The following LYPLAL1 variants were observed in gnomAD, a reference collection of about 807,000 sequenced individuals.
LYPLAL1 encodes the protein lysophospholipase-like protein 1.
In LYPLAL1, 23 loss-of-function variants were observed where a neutral mutation model predicts 19.7. The observed-to-expected ratio is 1.17, with a 90% confidence interval of 0.84 to 1.65. The LOEUF is 1.65. LYPLAL1 is among the 40% of genes most tolerant of loss of function. The pLI, the probability that LYPLAL1 is intolerant of heterozygous loss-of-function variation, is 0.00. For synonymous variants in LYPLAL1, 119 were observed against 96.3 expected (o/e 1.24, Z -1.38); for missense variants, 355 against 279.4 (o/e 1.27, Z -1.93).
At chr1:219,426,788 G>C in the LYPLAL1 span, among the ~76,000 whole-genome samples, 1 of 152,086 alleles carries the variant, frequency 6.6e-6, no homozygotes, top group African/African-American at 2.4e-5. Flanking sequence ...TAGTAGAGAC[G>C]GGTTTTTGCC....
At chr1:219,253,630 T>C in the LYPLAL1 span, among the ~76,000 whole-genome samples, 1 of 152,026 alleles carries the variant, frequency 6.6e-6, no homozygotes, top group African/African-American at 2.4e-5. Context: ...TACTGAGCTG[T>C]GGTCCAAGAC....
the LYPLAL1 span, among the ~76,000 whole-genome samples, chr1:219,385,949 C>G: frequency 2.6e-5 from 4 of 152,144 alleles, no homozygotes; most frequent in African/African-American, 4.8e-5. Context: ...CACAGATAGC[C>G]TTTGAAACAC....
downstream of LYPLAL1, among the ~76,000 whole-genome samples, chr1:219,217,527 T>G (rs1461579489): frequency 6.6e-6 from 1 of 152,084 alleles, no homozygotes; most frequent in Non-Finnish European, 1.5e-5. Context: ...TATTCAGTCT[T>G]AGTTATGAAC....
the LYPLAL1 span, among the ~76,000 whole-genome samples, chr1:219,237,132 C>A: frequency 6.6e-6 from 1 of 152,132 alleles, no homozygotes; most frequent in Non-Finnish European, 1.5e-5. Flanking sequence ...GTCAGCTCAG[C>A]ACAAATGAAT....
chr1:219,362,966 CAAAG>C, the LYPLAL1 span, among the ~76,000 whole-genome samples: 3 of 151,692 alleles, frequency 2.0e-5, no homozygotes, highest in East Asian at 3.9e-4. Context: ...AAAAAAATAA[CAAAG>C]AAACTTTTTA....
chr1:219,374,579 T>A, the LYPLAL1 span, among the ~76,000 whole-genome samples: 2 of 151,942 alleles, frequency 1.3e-5, no homozygotes, highest in Admixed American at 1.3e-4. Context: ...CACTAGATAC[T>A]GACTATTTAC....
At chr1:219,385,040 T>TGGTGTTCTGC in the LYPLAL1 span, among the ~76,000 whole-genome samples, 31 of 152,300 alleles carry the variant, frequency 2.0e-4, no homozygotes, top group South Asian at 6.2e-3. Context: ...TTTCTCCCAG[T>TGGTGTTCTGC]AATGTTCTGC....
At chr1:219,215,417 C>T (rs866342564), downstream of LYPLAL1, among the ~76,000 whole-genome samples, 2 of 151,996 alleles carry the variant, frequency 1.3e-5, no homozygotes, top group Non-Finnish European at 2.9e-5. Flanking sequence ...TTTTGACCAA[C>T]TTGATTATTG....
chr1:219,301,690 A>G, the LYPLAL1 span, among the ~76,000 whole-genome samples: 1 of 152,172 alleles, frequency 6.6e-6, no homozygotes. Context: ...AAAATATAAC[A>G]TAACCCTATT....
At chr1:219,372,225 G>A in the LYPLAL1 span, among the ~76,000 whole-genome samples, 1 of 152,130 alleles carries the variant, frequency 6.6e-6, no homozygotes. Context: ...AAGGTGATAA[G>A]AGCACAAAGA....
At chr1:219,396,255 C>T in the LYPLAL1 span, among the ~76,000 whole-genome samples, 67 of 152,108 alleles carry the variant, frequency 4.4e-4, no homozygotes, top group African/African-American at 1.6e-3. Flanking sequence ...GATGTGTGGC[C>T]TTATTTCTGG....
chr1:219,402,089 C>T, the LYPLAL1 span, among the ~76,000 whole-genome samples: 1 of 151,918 alleles, frequency 6.6e-6, no homozygotes, highest in East Asian at 1.9e-4. Flanking sequence ...TAAAAGCTGG[C>T]AATAAAAAGC....
the LYPLAL1 span, among the ~76,000 whole-genome samples, chr1:219,226,826 A>G: frequency 3.9e-5 from 6 of 152,358 alleles, no homozygotes; most frequent in East Asian, 9.6e-4. Context: ...AAAGATGAAT[A>G]TAATGAGGAA....
chr1:219,373,362 T>G, the LYPLAL1 span, among the ~76,000 whole-genome samples: 83 of 152,276 alleles, frequency 5.5e-4, no homozygotes, highest in African/African-American at 1.9e-3. Flanking sequence ...GGGGCTCAGT[T>G]TCACATCATA....
At chr1:219,414,115 TG>T in the LYPLAL1 span, among the ~76,000 whole-genome samples, 1 of 152,218 alleles carries the variant, frequency 6.6e-6, no homozygotes, top group Non-Finnish European at 1.5e-5. Flanking sequence ...CAGCAGGGTT[TG>T]GATAAGACCC....
chr1:219,444,912 C>T, the LYPLAL1 span, among the ~76,000 whole-genome samples: 1 of 151,926 alleles, frequency 6.6e-6, no homozygotes, highest in Non-Finnish European at 1.5e-5. Flanking sequence ...TGATGGGCAA[C>T]CTAAAATTTA....
chr1:219,176,947 A>AATGGAGCTT (rs1655869289), intron 1 of LYPLAL1, among the ~76,000 whole-genome samples: 1 of 152,254 alleles, frequency 6.6e-6, no homozygotes, highest in Admixed American at 6.5e-5. Flanking sequence ...CTTATGTTCT[A>AATGGAGCTT]ATGAAGTAAA....
the LYPLAL1 span, among the ~76,000 whole-genome samples, chr1:219,424,508 A>G: frequency 6.6e-6 from 1 of 152,196 alleles, no homozygotes; most frequent in Non-Finnish European, 1.5e-5. Context: ...ACCATTTCAG[A>G]TGGATGGAAC....
chr1:219,406,783 GAA>G, the LYPLAL1 span, among the ~76,000 whole-genome samples: 3 of 151,626 alleles, frequency 2.0e-5, no homozygotes, highest in Non-Finnish European at 4.4e-5. Context: ...ATCATAAATA[GAA>G]AAAAAAACCC....
Sources: gnomAD v4.1 joint callset for allele counts (sites outside exome capture counted in the v4.1 genomes callset) on GRCh38, gnomAD v4.1.1 for gene constraint, MANE v1.5 for transcripts, NCBI Gene and HGNC (gene_info 2026-07-23, HGNC 2026-07-21) for gene names.